Variants in GRIN2B observed in about 807,000 individuals in gnomAD.
GRIN2B encodes the protein glutamate receptor ionotropic, NMDA 2B.
Under a neutral mutation model 114.5 loss-of-function variants are expected in GRIN2B, and 5 were observed. That is an observed-to-expected ratio of 0.04 (90% CI 0.02 to 0.09). The LOEUF (loss-of-function observed/expected upper bound fraction) is 0.09, where lower values mean the gene tolerates loss of function less well. Ranked by LOEUF, GRIN2B falls within the 10% of genes least tolerant of loss-of-function variation. The pLI is 1.00. For synonymous variants in GRIN2B, 787 were observed against 745.1 expected, an observed-to-expected ratio of 1.06 and a Z score of -0.92; for missense variants, 1,108 against 1,943.5, an observed-to-expected ratio of 0.57 and a Z score of 8.08.
chr12:13,575,267 C>T (rs1031490702), intron 10 of GRIN2B, among the ~76,000 whole-genome samples: 23 of 152,128 alleles, frequency 1.5e-4, no homozygotes, highest in African/African-American at 5.3e-4. Flanking sequence ...AAGCCACCGA[C>T]TGGGAAGAAG....
At chr12:13,720,421 G>A (rs191515783) in intron 4 of GRIN2B, among the ~76,000 whole-genome samples, 259 of 152,188 alleles carry the variant, frequency 1.7e-3, no homozygotes, top group Admixed American at 5.9e-3. Context: ...CATCTTGAAG[G>A]TTTTTAAGGA....
In GRIN2B at chr12:13,693,255, T is replaced by G. The variant is rs535510374; in HGVS notation, c.1011-17396A>C. On this transcript the variant is annotated intron_variant, in intron 4 of 13. Coordinates refer to ENST00000609686, the MANE Select transcript of GRIN2B (RefSeq NM_000834.5). ...CATTCTACATCATTTCGCTTAAGGT[T>G]GCAGTTTCCAAGACCCTATCGATGA... is the stretch of plus-strand genomic sequence containing the variant. 1.2e-4 allele frequency among the ~76,000 whole-genome samples: 18 copies of G among 152,292 alleles called. No individual in the cohort carries two copies. The East Asian group carries it at 2.5e-3, about 21-fold the overall frequency.
intron 11 of GRIN2B, among the ~76,000 whole-genome samples, chr12:13,570,335 A>C (rs1159816738): frequency 1.3e-5 from 2 of 152,224 alleles, no homozygotes; most frequent in Non-Finnish European, 2.9e-5. Flanking sequence ...AACAGAAATA[A>C]TGAAAAGTAA....
chr12:13,795,903 C>T (rs550491342), intron 3 of GRIN2B, among the ~76,000 whole-genome samples: 4 of 151,684 alleles, frequency 2.6e-5, no homozygotes, highest in East Asian at 3.9e-4. Flanking sequence ...GGACAAAGGG[C>T]GGGGAACATC....
intron 4 of GRIN2B, among the ~76,000 whole-genome samples, chr12:13,739,071 G>A (rs2136613786): frequency 6.6e-6 from 1 of 152,130 alleles, no homozygotes. Flanking sequence ...CACTTTAGAA[G>A]ACTCTTGTAT....
At chr12:13,869,231 C>CTTTTTTTTTT in intron 2 of GRIN2B, among the ~76,000 whole-genome samples, 1 of 126,042 alleles carries the variant, frequency 7.9e-6, no homozygotes, top group Non-Finnish European at 1.7e-5. Flanking sequence ...TTTTCTTTTT[C>CTTTTTTTTTT]TTTTTTTTTC....
chr12:13,867,313 T>C (rs1865843806), intron 2 of GRIN2B, among the ~76,000 whole-genome samples: 1 of 152,226 alleles, frequency 6.6e-6, no homozygotes, highest in African/African-American at 2.4e-5. Flanking sequence ...TCTTATTCTA[T>C]GCATCAAACT....
intron 3 of GRIN2B, among the ~76,000 whole-genome samples, chr12:13,835,513 A>G (rs1865244037): frequency 6.6e-6 from 1 of 152,100 alleles, no homozygotes. Context: ...AGCCCAGCCC[A>G]GAAAAAAAAC....
rs1948239650 is a variant in GRIN2B at position 13,538,679 on chromosome 12, T to C, written c.*24104A>G. On this transcript the variant is annotated 3_prime_UTR_variant, in exon 14 of 14. Transcript: ENST00000609686. The stretch of plus-strand genomic sequence containing the variant: ...AAAATACAAAATCAGCCCAGTGTGG[T>C]GGTATGCACCAGTAGTACCCAGCTA... 1 of 151,796 alleles carries C rather than the reference T, an allele frequency of 6.6e-6. No homozygotes were observed. The allele number at this position is 151,796 out of a possible 1,614,324, so 9.4% of individuals were successfully genotyped here.
intron 5 of GRIN2B, among the ~76,000 whole-genome samples, chr12:13,621,967 C>T (rs1202238944): frequency 6.6e-6 from 1 of 151,564 alleles, no homozygotes; most frequent in African/African-American, 2.4e-5. Context: ...TTTGTCCCCC[C>T]ACCATGAACA....
chr12:13,765,088 C>G (rs763313259), intron 3 of GRIN2B, among the ~76,000 whole-genome samples: 11 of 152,208 alleles, frequency 7.2e-5, no homozygotes, highest in Non-Finnish European at 1.2e-4. Flanking sequence ...GCTAACAAAA[C>G]AAAATGGGGG....
chr12:13,781,285 T>C (rs1864108077), intron 3 of GRIN2B, among the ~76,000 whole-genome samples: 1 of 152,244 alleles, frequency 6.6e-6, no homozygotes, highest in African/African-American at 2.4e-5. Context: ...TCAAATGATA[T>C]TCGTCTGGGT....
chr12:13,764,809 C>A (rs1863748799), intron 3 of GRIN2B, among the ~76,000 whole-genome samples: 1 of 152,170 alleles, frequency 6.6e-6, no homozygotes, highest in South Asian at 2.1e-4. Flanking sequence ...AAGAAAATGT[C>A]ATTTGTTATT....
At chr12:13,584,392 C>T (rs931473720) in intron 10 of GRIN2B, among the ~76,000 whole-genome samples, 5 of 152,124 alleles carry the variant, frequency 3.3e-5, no homozygotes, top group Admixed American at 2.6e-4. Context: ...GAAAAGCATC[C>T]AACACTTAGT....
chr12:13,966,426 G>A (rs1401932567), intron 2 of GRIN2B, among the ~76,000 whole-genome samples: 1 of 152,136 alleles, frequency 6.6e-6, no homozygotes, highest in Non-Finnish European at 1.5e-5. Context: ...AGTTCATGGT[G>A]ACTTTGTCCT....
chr12:13,957,696 C>G (rs778158569), intron 2 of GRIN2B, among the ~76,000 whole-genome samples: 2 of 152,184 alleles, frequency 1.3e-5, no homozygotes, highest in African/African-American at 2.4e-5. Context: ...ATGCCTCCCA[C>G]CCAGTGCCGA....
intron 5 of GRIN2B, among the ~76,000 whole-genome samples, chr12:13,632,668 G>C (rs923175095): frequency 2.6e-5 from 4 of 152,194 alleles, no homozygotes; most frequent in Admixed American, 2.0e-4. Flanking sequence ...TATGTGGAGA[G>C]AGGTAAGGGC....
At chr12:13,684,793 C>A (rs548969965) in intron 4 of GRIN2B, among the ~76,000 whole-genome samples, 4 of 152,238 alleles carry the variant, frequency 2.6e-5, no homozygotes, top group East Asian at 1.9e-4. Context: ...AGTGGTGAGA[C>A]CTTCCCAGAG....
chr12:13,670,937 G>A (rs1054695472), intron 5 of GRIN2B, among the ~76,000 whole-genome samples: 20 of 152,044 alleles, frequency 1.3e-4, no homozygotes, highest in African/African-American at 4.8e-4. Flanking sequence ...AGCAGATACT[G>A]TTCATTTTTT....
Sources: allele counts gnomAD v4.1 joint callset (sites outside exome capture counted in the v4.1 genomes callset), GRCh38; gene constraint gnomAD v4.1.1; transcripts MANE v1.5; gene names NCBI Gene and HGNC (gene_info 2026-07-23, HGNC 2026-07-21).